Variants in TRAF5 observed in about 807,000 individuals in gnomAD.
The protein encoded by TRAF5 is TNF receptor associated factor 5, also known as TNF receptor-associated factor 5.
TRAF5 carries 48 observed loss-of-function variants against 64.5 expected under a neutral mutation model. The ratio of observed to expected loss-of-function variants is 0.74; its 90% CI spans 0.59 to 0.95. The LOEUF (loss-of-function observed/expected upper bound fraction) is 0.95. Among genes scored for constraint, TRAF5 ranks in the 40% least tolerant of loss-of-function variants. The probability of loss-of-function intolerance (pLI) is 0.00; values close to 1 mark genes in which losing one functional copy is unlikely to be tolerated. For missense variants in TRAF5, 545 were observed against 662.8 expected (o/e 0.82, Z 1.95); for synonymous variants, 206 against 240.5 (o/e 0.86, Z 1.33).
At chr1:211,369,649 T>A in intron 9 of TRAF5, 57 bp downstream of exon 9, 6 of 1,455,036 alleles carry the variant, frequency 4.1e-6, no homozygotes, top group South Asian at 1.5e-5. Context: ...GCAGTGAGAG[T>A]TTTTCTTTTA....
At chr1:211,346,852 TA>T (rs1344366819) in intron 1 of TRAF5, among the ~76,000 whole-genome samples, 1 of 152,220 alleles carries the variant, frequency 6.6e-6, no homozygotes, top group East Asian at 1.9e-4. Context: ...TTGGAATTCC[TA>T]AAAAATTCTC....
intron 1 of TRAF5, among the ~76,000 whole-genome samples, chr1:211,342,594 CTA>C (rs1702478051): frequency 6.6e-6 from 1 of 152,252 alleles, no homozygotes; most frequent in African/African-American, 2.4e-5. Flanking sequence ...ATTATTCTGA[CTA>C]TATTTTTGTA....
At chr1:211,345,231 T>C (rs1361297480) in intron 1 of TRAF5, among the ~76,000 whole-genome samples, 1 of 152,106 alleles carries the variant, frequency 6.6e-6, no homozygotes, top group East Asian at 1.9e-4. Context: ...AATTTTTGTA[T>C]TTTTTGTAGA....
At chr1:211,359,174 C>T (rs1252662603) in intron 4 of TRAF5, 1 of 152,044 alleles carries the variant, frequency 6.6e-6, no homozygotes, top group Non-Finnish European at 1.5e-5. Context: ...CCAGGCTGGA[C>T]TTGAGTCCTG....
intron 7 of TRAF5, among the ~76,000 whole-genome samples, chr1:211,362,407 C>T (rs570175220): frequency 4.6e-5 from 7 of 152,188 alleles, no homozygotes; most frequent in East Asian, 3.9e-4. Flanking sequence ...GAGGCTGGTG[C>T]GATGGCTTAT....
chr1:211,349,034 T>TAA (rs373131975), intron 1 of TRAF5, among the ~76,000 whole-genome samples: 57,035 of 84,446 alleles, frequency 0.68, 21,173 homozygotes, highest in Non-Finnish European at 0.8. Context: ...ACTCTGTCTC[T>TAA]AAAAAAAAAA....
rs1702027841 is a variant in TRAF5 at position 211,326,847 on chromosome 1, C to T, written c.-44C>T. Reference sequence around the variant, plus strand: ...CGGCCGCAGCCAGGAGCAGCAGCCGCGCCTGCAGACCGGCCTCGCGGAGCC... The same window carrying T: ...CGGCCGCAGCCAGGAGCAGCAGCCGTGCCTGCAGACCGGCCTCGCGGAGCC... On this transcript the variant is annotated 5_prime_UTR_variant, in exon 1 of 11. Coordinates refer to ENST00000261464, the MANE Select transcript of TRAF5 (RefSeq NM_001033910.3). This position sits in a 1 kb window ranked among gnomAD's most constrained non-coding sequence, Gnocchi z 5.0. 3.0e-6 allele frequency: 3 copies of T among 984,776 alleles called. No individual in the cohort carries two copies. The African/African-American group carries it at 5.2e-5, about 17-fold the overall frequency. The allele number at this position is 984,776 out of a possible 1,614,324, so 61.0% of individuals were successfully genotyped here.
chr1:211,358,234 G>A (rs1703033472), intron 4 of TRAF5: 1 of 152,176 alleles, frequency 6.6e-6, no homozygotes, highest in South Asian at 2.1e-4. Flanking sequence ...CCAGCACTTT[G>A]GGAGGCCGAG....
intron 1 of TRAF5, among the ~76,000 whole-genome samples, chr1:211,334,812 G>T (rs1337510293): frequency 6.6e-6 from 1 of 152,182 alleles, no homozygotes; most frequent in East Asian, 1.9e-4. Flanking sequence ...ACTTTCTAGA[G>T]ATAGCAGTAT....
At chr1:211,344,461 C>T (rs984662598) in intron 1 of TRAF5, among the ~76,000 whole-genome samples, 2 of 152,214 alleles carry the variant, frequency 1.3e-5, no homozygotes, top group South Asian at 2.1e-4. Flanking sequence ...AAGAACAGTG[C>T]GTCGGTGGAC....
chr1:211,352,635 G>GA (rs1030221200), intron 1 of TRAF5, among the ~76,000 whole-genome samples: 16 of 151,254 alleles, frequency 1.1e-4, no homozygotes, highest in Admixed American at 1.1e-3. Flanking sequence ...CTGAAAAAAA[G>GA]AAAAAAAGTA....
intron 1 of TRAF5, among the ~76,000 whole-genome samples, chr1:211,332,581 A>G (rs905109356): frequency 1.3e-5 from 2 of 152,226 alleles, no homozygotes; most frequent in African/African-American, 4.8e-5. Flanking sequence ...GATGCAACCT[A>G]GGAAAACTTA....
intron 1 of TRAF5, among the ~76,000 whole-genome samples, chr1:211,343,793 G>A (rs1199888905): frequency 6.6e-6 from 1 of 152,092 alleles, no homozygotes; most frequent in Non-Finnish European, 1.5e-5. Flanking sequence ...GTGACTCGGA[G>A]TTTCCACACT....
chr1:211,370,952 C>A (rs1053102371), intron 9 of TRAF5, among the ~76,000 whole-genome samples: 2 of 152,108 alleles, frequency 1.3e-5, no homozygotes, highest in Non-Finnish European at 2.9e-5. Context: ...AGGAGATTGG[C>A]TTCTAAGAAG....
At chr1:211,365,235 A>C (rs903786220) in intron 7 of TRAF5, 141 bp from the exon 8 acceptor site, 33 of 623,560 alleles carry the variant, frequency 5.3e-5, no homozygotes, top group Non-Finnish European at 8.1e-5. Context: ...TTTTTCCTGC[A>C]ACCCACCTAG....
At position 211,372,699 on chromosome 1, in the gene TRAF5, C is replaced by G; in HGVS notation, c.1671C>G (p.Leu557=). The change falls in exon 11 of 11, where the codon CTC becomes CTG. Residue 557 remains leucine, a synonymous_variant. Transcript: ENST00000261464. ...VAVDLTDLED[L] is the part of the protein sequence containing the mutation. ...TGGACTTAACTGACCTGGAGGATCTCTAGTCACTGTTATGGGGTGATAAGA... is the reference window on the plus strand; with the variant it reads ...TGGACTTAACTGACCTGGAGGATCTGTAGTCACTGTTATGGGGTGATAAGA... The G allele has an allele frequency of 6.2e-7, 1 of 1,613,778 alleles. No homozygotes were observed. The highest frequency in any genetic ancestry group is 8.5e-7 in the Non-Finnish European group (1 of 1,179,780).
intron 1 of TRAF5, among the ~76,000 whole-genome samples, chr1:211,335,018 T>C (rs1380141984): frequency 6.6e-6 from 1 of 152,188 alleles, no homozygotes; most frequent in African/African-American, 2.4e-5. Context: ...ATTTTCCTCA[T>C]TGGGAAAAGA....
At position 211,360,007 on chromosome 1, in the gene TRAF5, T is replaced by G. The variant is rs187481865; in HGVS notation, c.474T>G (p.Ser158Arg). The G allele has an allele frequency of 1.8e-5, 29 of 1,614,118 alleles. No homozygotes were observed. The highest frequency in any genetic ancestry group is 1.5e-4 in the Admixed American group (9 of 60,026). Residue 158 changes from serine (S) to arginine (R), a missense_variant, in exon 5 of 11, where the codon AGT becomes AGG. Physicochemically the swap from Ser to Arg is moderately radical, Grantham distance 110. Coordinates refer to ENST00000261464, the MANE Select transcript of TRAF5 (RefSeq NM_001033910.3). ...GGAAAGACCTGAAAGAGCATTTGAGTGCATCCTGTCAGTTTCGAAAGGAAA... is the reference window on the plus strand; with the variant it reads ...GGAAAGACCTGAAAGAGCATTTGAGGGCATCCTGTCAGTTTCGAAAGGAAA... ...VLRKDLKEHL[S>R]ASCQFRKEKC... is the part of the protein sequence containing the mutation.
At chr1:211,355,529 C>T (rs549513264) in intron 3 of TRAF5, among the ~76,000 whole-genome samples, 2 of 152,252 alleles carry the variant, frequency 1.3e-5, no homozygotes, top group East Asian at 3.9e-4. Context: ...GCTGTACACG[C>T]ATCTTCTCTA....
Sources: gnomAD v4.1 joint callset for allele counts (sites outside exome capture counted in the v4.1 genomes callset) on GRCh38, gnomAD v4.1.1 for gene constraint, Gnocchi (gnomAD v3.1) non-coding constraint, MANE v1.5 for transcripts, NCBI Gene and HGNC (gene_info 2026-07-23, HGNC 2026-07-21) for gene names.